NPLOC4: variants seen among roughly 807,000 people sequenced by gnomAD.
NPLOC4 encodes the protein nuclear protein localization protein 4 homolog.
A neutral mutation model predicts 80.6 loss-of-function variants in NPLOC4; 18 were observed. The ratio of observed to expected loss-of-function variants is 0.22; its 90% CI spans 0.15 to 0.33. The LOEUF (loss-of-function observed/expected upper bound fraction) is 0.33, where lower values mean the gene tolerates loss of function less well. Among genes scored for constraint, NPLOC4 ranks in the 10% least tolerant of loss-of-function variants. The pLI is 1.00. For missense variants in NPLOC4, 540 were observed against 786.1 expected (o/e 0.69, Z 3.74); for synonymous variants, 313 against 301.5 (o/e 1.04, Z -0.39).
At chr17:81,603,451 C>G (rs1264574673) in intron 8 of NPLOC4, among the ~76,000 whole-genome samples, 1 of 151,392 alleles carries the variant, frequency 6.6e-6, no homozygotes, top group East Asian at 2.0e-4. Context: ...TAAAAACTAG[C>G]TTGGCATGGT....
chr17:81,559,075 C>T lies in NPLOC4; in HGVS notation c.*184G>A, dbSNP rs529661606. 3.5e-5 allele frequency: 22 copies of T among 633,892 alleles called. No homozygotes were observed. Among genetic ancestry groups the T allele is most frequent in the South Asian group, 8.4e-5 (4 of 47,532 alleles). 39.3% of individuals were successfully genotyped at this position (633,892 alleles called of 1,614,324 possible). On this transcript the variant is annotated 3_prime_UTR_variant, in exon 17 of 17. Transcript: ENST00000331134. ...TCAGCCTGCAGAATACCAGCCGTGG[C>T]GCCCGCTCTCCAGGGAGGAACGTGC...
intron 12 of NPLOC4, among the ~76,000 whole-genome samples, chr17:81,578,641 C>G (rs914684444): frequency 6.6e-6 from 1 of 152,102 alleles, no homozygotes; most frequent in Non-Finnish European, 1.5e-5. Context: ...AGAGAAGTGC[C>G]GAGCAAAGGG....
At position 81,565,369 on chromosome 17, in the gene NPLOC4, T is replaced by G. The variant is rs764414700; in HGVS notation, c.1669+136A>C. ...GCAGGGAGGCCGAGTCTCTACTCGTTGCATTGCCGATGGCACCTGCCAGGA... is the reference window on the plus strand; with the variant it reads ...GCAGGGAGGCCGAGTCTCTACTCGTGGCATTGCCGATGGCACCTGCCAGGA... On this transcript the variant is annotated intron_variant, in intron 16 of 16. Transcript: ENST00000331134. The G allele has an allele frequency of 2.3e-5, 18 of 782,464 alleles. No individual in the cohort carries two copies. In the African/African-American group the frequency reaches 3.1e-4, roughly 13 times the overall value. 48.5% of individuals were successfully genotyped at this position (782,464 alleles called of 1,614,324 possible).
intron 3 of NPLOC4, among the ~76,000 whole-genome samples, chr17:81,616,112 A>T (rs1660331307): frequency 1.3e-5 from 2 of 151,646 alleles, no homozygotes; most frequent in African/African-American, 4.8e-5. Flanking sequence ...AGGTCAAGAG[A>T]TTGAGACCAT....
chr17:81,560,357 G>C (rs1415996477), intron 16 of NPLOC4, among the ~76,000 whole-genome samples: 1 of 151,916 alleles, frequency 6.6e-6, no homozygotes, highest in African/African-American at 2.4e-5. Context: ...AGCCTGCAGT[G>C]AGCCGAGACC....
At chr17:81,625,415 G>A (rs997365447) in intron 2 of NPLOC4, among the ~76,000 whole-genome samples, 6 of 152,204 alleles carry the variant, frequency 3.9e-5, no homozygotes, top group South Asian at 2.1e-4. Context: ...GCTCTACACC[G>A]AGGGGTCATC....
intron 2 of NPLOC4, among the ~76,000 whole-genome samples, chr17:81,623,785 G>A (rs1253018227): frequency 2.1e-5 from 3 of 142,170 alleles, no homozygotes; most frequent in Non-Finnish European, 3.0e-5. Context: ...ACGACAGAGC[G>A]AGACTCCGTC....
In NPLOC4 at chr17:81,615,744, T is replaced by A. The variant is rs1046788626; in HGVS notation, c.210-2250A>T. Among the ~76,000 whole-genome samples the A allele has an allele frequency of 2.6e-4, 40 of 152,082 alleles. 4 individuals are homozygous for A. The highest frequency in any genetic ancestry group is 2.4e-3 in the Admixed American group (36 of 15,272). ...TCCGAAACTTCCACATAAATGCAGA[T>A]AACCAAAGGACGCCTGAACAGCTGT... On this transcript the variant is annotated intron_variant, in intron 3 of 16. Coordinates refer to ENST00000331134, the MANE Select transcript of NPLOC4 (RefSeq NM_017921.4).
intron 2 of NPLOC4, among the ~76,000 whole-genome samples, chr17:81,626,092 T>G (rs1399910900): frequency 7.0e-6 from 1 of 142,354 alleles, no homozygotes; most frequent in Non-Finnish European, 1.5e-5. Flanking sequence ...GAGGTTGCAG[T>G]GGGCAGAGAT....
At chr17:81,619,962 T>G (rs372297062) in intron 3 of NPLOC4, among the ~76,000 whole-genome samples, 20 of 151,936 alleles carry the variant, frequency 1.3e-4, no homozygotes, top group African/African-American at 4.4e-4. Context: ...TGTTTACCGC[T>G]TTGCATCGGC....
At chr17:81,596,838 G>C (rs895768775) in intron 10 of NPLOC4, among the ~76,000 whole-genome samples, 2 of 152,206 alleles carry the variant, frequency 1.3e-5, no homozygotes, top group Non-Finnish European at 2.9e-5. Flanking sequence ...CTGAGGGCTG[G>C]GCATGGTGGC....
intron 7 of NPLOC4, among the ~76,000 whole-genome samples, chr17:81,606,445 A>G (rs1394366022): frequency 6.6e-6 from 1 of 152,166 alleles, no homozygotes; most frequent in Admixed American, 6.5e-5. Flanking sequence ...CATCAGGAAC[A>G]TTCTGCCTCC....
chr17:81,629,957 T>C (rs774194987), intron 1 of NPLOC4, 152 bp from the exon 2 acceptor site: 2 of 607,542 alleles, frequency 3.3e-6, no homozygotes, highest in Non-Finnish European at 5.9e-6. Context: ...TCAATCCTTC[T>C]AGAATATGAT....
In NPLOC4 at chr17:81,559,182, G is replaced by A; in HGVS notation, c.*77C>T. 1.4e-6 allele frequency: 2 copies of A among 1,467,098 alleles called. No individual in the cohort carries two copies. Among genetic ancestry groups the A allele is most frequent in the Non-Finnish European group, 1.8e-6 (2 of 1,097,758 alleles). The allele number at this position is 1,467,098 out of a possible 1,614,324, so 90.9% of individuals were successfully genotyped here. A position where few individuals can be genotyped will look rare whatever the true frequency, so the allele number is the denominator to read the frequency against. On this transcript the variant is annotated 3_prime_UTR_variant, in exon 17 of 17. Coordinates refer to ENST00000331134, the MANE Select transcript of NPLOC4 (RefSeq NM_017921.4). ...GCTGCCCACTATGGGGCAGTTACAG[G>A]GAACACACTCAGCAACGCTTCTGGC...
intron 3 of NPLOC4, among the ~76,000 whole-genome samples, chr17:81,617,299 G>A (rs1024075275): frequency 1.3e-5 from 2 of 152,142 alleles, no homozygotes; most frequent in African/African-American, 4.8e-5. Flanking sequence ...TTTGAGACAG[G>A]GTCTTGCTCT....
At chr17:81,628,139 A>T (rs1178541827) in intron 2 of NPLOC4, among the ~76,000 whole-genome samples, 1 of 151,034 alleles carries the variant, frequency 6.6e-6, no homozygotes, top group East Asian at 1.9e-4. Flanking sequence ...TGAACCCGGG[A>T]GGCGGAGCTT....
At chr17:81,575,225 G>C (rs895491695) in intron 12 of NPLOC4, among the ~76,000 whole-genome samples, 1 of 151,996 alleles carries the variant, frequency 6.6e-6, no homozygotes, top group Non-Finnish European at 1.5e-5. Context: ...TCAGCCTCCC[G>C]AGTAGCTGGG....
Position 81,577,514 on chromosome 17 carries a change from G to A in NPLOC4, c.1282-5426C>T, listed in dbSNP as rs1373896488. Among the ~76,000 whole-genome samples, 1 of 151,430 alleles carries A rather than the reference G, an allele frequency of 6.6e-6. No individual in the cohort carries two copies. Among genetic ancestry groups the A allele is most frequent in the Non-Finnish European group, 1.5e-5 (1 of 67,856 alleles). ...TCATCTACTTCCGGGTTAGCTCAAC[G>A]CACTCTTCTCTTCTCCCTCTGAACC... On this transcript the variant is annotated intron_variant, in intron 12 of 16. Coordinates refer to ENST00000331134, the MANE Select transcript of NPLOC4 (RefSeq NM_017921.4). This position sits in a 1 kb window ranked among gnomAD's most constrained non-coding sequence, Gnocchi z 4.3.
chr17:81,565,059 C>T, intron 16 of NPLOC4: 2 of 516,562 alleles, frequency 3.9e-6, no homozygotes, highest in Non-Finnish European at 6.8e-6. Context: ...TGCCTGCGGT[C>T]CGTTCCGTAG....
Sources: gnomAD v4.1 joint callset for allele counts (sites outside exome capture counted in the v4.1 genomes callset) on GRCh38, gnomAD v4.1.1 for gene constraint, Gnocchi (gnomAD v3.1) non-coding constraint, MANE v1.5 for transcripts, NCBI Gene and HGNC (gene_info 2026-07-23, HGNC 2026-07-21) for gene names.